The following GCLC variants were observed in gnomAD, a reference collection of about 807,000 sequenced individuals.
GCLC encodes glutamate-cysteine ligase catalytic subunit, also known as glutamate--cysteine ligase catalytic subunit.
GCLC carries 30 observed loss-of-function variants against 81.5 expected under a neutral mutation model. The ratio of observed to expected loss-of-function variants is 0.37; its 90% CI spans 0.28 to 0.50. The LOEUF (loss-of-function observed/expected upper bound fraction) is 0.50, where lower values mean the gene tolerates loss of function less well. GCLC is among the 20% of genes least tolerant of loss of function. GCLC has a pLI of 0.96. For missense variants in GCLC, 556 were observed against 777.4 expected (o/e 0.72, Z 3.39); for synonymous variants, 262 against 273.3 (o/e 0.96, Z 0.41).
chr6:53,530,583 C>A (rs1763155570), intron 1 of GCLC, among the ~76,000 whole-genome samples: 1 of 152,204 alleles, frequency 6.6e-6, no homozygotes, highest in Admixed American at 6.5e-5. Context: ...GCTCGTCCTG[C>A]ATCTGCCTTT....
chr6:53,525,647 A>G (rs1212749570), intron 1 of GCLC, among the ~76,000 whole-genome samples: 1 of 152,244 alleles, frequency 6.6e-6, no homozygotes, highest in Non-Finnish European at 1.5e-5. Flanking sequence ...TTGCAGCAAC[A>G]TCAAATATAT....
At chr6:53,542,692 G>A (rs988222525) in intron 1 of GCLC, among the ~76,000 whole-genome samples, 1 of 152,120 alleles carries the variant, frequency 6.6e-6, no homozygotes. Flanking sequence ...TGAACTGCCT[G>A]TCTTTGTAGA....
chr6:53,528,736 G>A (rs894882797), intron 1 of GCLC, among the ~76,000 whole-genome samples: 12 of 152,090 alleles, frequency 7.9e-5, no homozygotes, highest in Admixed American at 7.9e-4. Flanking sequence ...GTAGCACAGA[G>A]CAGGCTGCTT....
chr6:53,516,357 A>C (rs963816854), intron 3 of GCLC, 135 bp from the exon 4 acceptor site: 4 of 685,870 alleles, frequency 5.8e-6, no homozygotes, highest in Non-Finnish European at 1.1e-5. Context: ...TGTTTACAAA[A>C]CAGATGTTGT....
In GCLC at chr6:53,516,195, G is replaced by C. The variant is rs200241767; in HGVS notation, c.474C>G (p.Pro158=). The change falls in exon 4 of 16, where the codon CCC becomes CCG. Residue 158 remains proline, a synonymous_variant. Transcript: ENST00000650454. ...PRLGCPGFTL[P]EVKPNPVEGG... is the part of the protein sequence containing the mutation. ...CTTCCACTGGGTTGGGTTTGACCTC[G>C]GGCAGTGTGAACCCAGGACAGCCTA... 2.5e-6 allele frequency: 4 copies of C among 1,612,292 alleles called. No individual in the cohort carries two copies. The highest frequency in any genetic ancestry group is 3.4e-6 in the Non-Finnish European group (4 of 1,178,482).
At chr6:53,517,123 G>GT (rs1199957884) in intron 3 of GCLC, among the ~76,000 whole-genome samples, 3 of 119,290 alleles carry the variant, frequency 2.5e-5, no homozygotes, top group Non-Finnish European at 4.9e-5. Context: ...GTCTTGCTCT[G>GT]TCTCCCAGGC....
intron 1 of GCLC, among the ~76,000 whole-genome samples, chr6:53,537,591 C>G (rs889562232): frequency 6.6e-6 from 1 of 150,678 alleles, no homozygotes; most frequent in Non-Finnish European, 1.5e-5. Context: ...GCCTGGGTGA[C>G]AGAGCAAGAA....
chr6:53,531,348 T>C (rs1763169034), intron 1 of GCLC, among the ~76,000 whole-genome samples: 1 of 152,176 alleles, frequency 6.6e-6, no homozygotes, highest in African/African-American at 2.4e-5. Context: ...TTCGTGGAAA[T>C]GTTGTTTCAC....
At chr6:53,543,258 G>A (rs971974669) in intron 1 of GCLC, among the ~76,000 whole-genome samples, 2 of 152,170 alleles carry the variant, frequency 1.3e-5, no homozygotes, top group Non-Finnish European at 2.9e-5. Flanking sequence ...AATGGCAGAT[G>A]CTGTAAAGAA....
chr6:53,509,105 C>T, intron 7 of GCLC, 71 bp downstream of exon 7: 7 of 920,630 alleles, frequency 7.6e-6, no homozygotes, highest in Non-Finnish European at 1.3e-5. Context: ...AGCACACTGT[C>T]AGTAAATTCT....
chr6:53,521,938 C>T (rs1763005816), intron 2 of GCLC, among the ~76,000 whole-genome samples: 1 of 152,216 alleles, frequency 6.6e-6, no homozygotes, highest in South Asian at 2.1e-4. Flanking sequence ...CGTGCCACTG[C>T]ACTCCAGCCC....
intron 2 of GCLC, among the ~76,000 whole-genome samples, chr6:53,521,750 G>A (rs1437286616): frequency 6.6e-6 from 1 of 152,084 alleles, no homozygotes; most frequent in Non-Finnish European, 1.5e-5. Context: ...GAGGCGGGCA[G>A]ATCATGAGGT....
At chr6:53,505,282 C>T (rs554214873) in intron 12 of GCLC, 110 bp downstream of exon 12, 44 of 700,340 alleles carry the variant, frequency 6.3e-5, no homozygotes, top group Non-Finnish European at 1.0e-4. Flanking sequence ...CATTTTATTG[C>T]AAAGGGTAAA....
intron 3 of GCLC, among the ~76,000 whole-genome samples, chr6:53,519,679 C>T (rs558236145): frequency 3.3e-5 from 5 of 152,202 alleles, no homozygotes; most frequent in East Asian, 3.9e-4. Context: ...AACATTAGGT[C>T]GAAGAAATGT....
At chr6:53,527,519 C>T (rs973763076) in intron 1 of GCLC, among the ~76,000 whole-genome samples, 1 of 152,168 alleles carries the variant, frequency 6.6e-6, no homozygotes, top group African/African-American at 2.4e-5. Context: ...CCCCTTTGTC[C>T]TTTCATCCAT....
chr6:53,502,424 T>C (rs1476773812), intron 12 of GCLC, among the ~76,000 whole-genome samples: 1 of 152,222 alleles, frequency 6.6e-6, no homozygotes, highest in Non-Finnish European at 1.5e-5. Flanking sequence ...GTTAAAAGCC[T>C]AGTAAATAGT....
chr6:53,509,373 A>G (rs986967185), intron 6 of GCLC, 123 bp from the exon 7 acceptor site: 17 of 713,636 alleles, frequency 2.4e-5, no homozygotes, highest in Non-Finnish European at 3.9e-5. Context: ...ATTAATGGCA[A>G]CATTTAACGC....
chr6:53,514,071 C>T, intron 6 of GCLC, 133 bp downstream of exon 6: 1 of 811,150 alleles, frequency 1.2e-6, no homozygotes, highest in African/African-American at 1.7e-5. Context: ...TCATGTTTTT[C>T]AGAAAGGCAT....
rs1188180434 is a variant in GCLC at position 53,498,276 on chromosome 6, T to A, written c.*480A>T. Reference sequence around the variant, plus strand: ...TTACCCTTGAAGCACTTTCAATGGATTCAAGTGATTTAATGTAGACAACAA... The same window carrying A: ...TTACCCTTGAAGCACTTTCAATGGAATCAAGTGATTTAATGTAGACAACAA... On this transcript the variant is annotated 3_prime_UTR_variant, in exon 16 of 16. Coordinates refer to ENST00000650454, the MANE Select transcript of GCLC (RefSeq NM_001498.4). 1.2e-5 allele frequency: 2 copies of A among 165,464 alleles called. No homozygotes were observed. The highest frequency in any genetic ancestry group is 3.5e-4 in the East Asian group (2 of 5,714). The allele number at this position is 165,464 out of a possible 1,614,324, so 10.2% of individuals were successfully genotyped here. A position where few individuals can be genotyped will look rare whatever the true frequency, so the allele number is the denominator to read the frequency against.
Sources: gnomAD v4.1 joint callset for allele counts (sites outside exome capture counted in the v4.1 genomes callset) on GRCh38, gnomAD v4.1.1 for gene constraint, MANE v1.5 for transcripts, NCBI Gene and HGNC (gene_info 2026-07-23, HGNC 2026-07-21) for gene names.